The following CSMD3 variants were observed in gnomAD, a reference collection of about 807,000 sequenced individuals.
CSMD3 encodes CUB and sushi domain-containing protein 3.
In CSMD3, 177 loss-of-function variants were observed where a neutral mutation model predicts 435.2. That is an observed-to-expected ratio of 0.41 (90% CI 0.36 to 0.46). CSMD3 has a LOEUF of 0.46. Among genes scored for constraint, CSMD3 ranks in the 20% least tolerant of loss-of-function variants. The probability of loss-of-function intolerance (pLI) is 0.34; values close to 1 mark genes in which losing one functional copy is unlikely to be tolerated. For missense variants in CSMD3, 4,265 were observed against 4,504.6 expected, an observed-to-expected ratio of 0.95 and a Z score of 1.52; for synonymous variants, 1,656 against 1,520.5, an observed-to-expected ratio of 1.09 and a Z score of -2.07.
At chr8:112,873,810 T>C (rs966383042) in intron 10 of CSMD3, among the ~76,000 whole-genome samples, 1 of 150,310 alleles carries the variant, frequency 6.7e-6, no homozygotes, top group Non-Finnish European at 1.5e-5. Flanking sequence ...TCTTTTCTTC[T>C]TTATTATTCT....
intron 31 of CSMD3, among the ~76,000 whole-genome samples, chr8:112,473,574 G>T (rs933282685): frequency 2.6e-5 from 4 of 152,108 alleles, no homozygotes; most frequent in African/African-American, 9.7e-5. Flanking sequence ...GGGGTCAAGG[G>T]AGAAGAGTTT....
chr8:112,552,866 T>C lies in CSMD3; in HGVS notation c.4235-146A>G, dbSNP rs141588905. 66 of 684,502 alleles carry C rather than the reference T, an allele frequency of 9.6e-5. No homozygotes were observed. In the African/African-American group the frequency reaches 1.2e-3, roughly 12 times the overall value. 42.4% of individuals were successfully genotyped at this position (684,502 alleles called of 1,614,324 possible). On this transcript the variant is annotated intron_variant, in intron 25 of 70. Coordinates refer to ENST00000297405, the MANE Select transcript of CSMD3 (RefSeq NM_198123.2). Reference sequence around the variant, plus strand: ...TTGTATAAACTTTTAAAGTATCAATTGAAGCAAGAATATATAATACAATCA... The same window carrying C: ...TTGTATAAACTTTTAAAGTATCAATCGAAGCAAGAATATATAATACAATCA...
At chr8:112,686,070 C>T (rs761082606) in intron 14 of CSMD3, among the ~76,000 whole-genome samples, 3 of 152,160 alleles carry the variant, frequency 2.0e-5, no homozygotes, top group Non-Finnish European at 4.4e-5. Context: ...CCATAGAAAG[C>T]AATAAGGTTC....
chr8:112,455,591 G>GTAAATAAATAAA (rs71309770), intron 32 of CSMD3, among the ~76,000 whole-genome samples: 1 of 149,620 alleles, frequency 6.7e-6, no homozygotes, highest in Admixed American at 6.7e-5. Context: ...AAATAAGTAA[G>GTAAATAAATAAA]TAAATAAATA....
intron 6 of CSMD3, among the ~76,000 whole-genome samples, chr8:113,007,442 A>G (rs1268448482): frequency 6.6e-6 from 1 of 152,002 alleles, no homozygotes; most frequent in East Asian, 1.9e-4. Flanking sequence ...GCAAGACACT[A>G]GAAATATATG....
At chr8:112,564,103 T>C (rs1480299644) in intron 24 of CSMD3, among the ~76,000 whole-genome samples, 1 of 152,024 alleles carries the variant, frequency 6.6e-6, no homozygotes, top group Non-Finnish European at 1.5e-5. Flanking sequence ...TTCCCTCTAC[T>C]GTGAAATTGG....
intron 9 of CSMD3, among the ~76,000 whole-genome samples, chr8:112,927,442 C>T (rs564038485): frequency 4.6e-5 from 7 of 152,120 alleles, no homozygotes; most frequent in African/African-American, 1.7e-4. Context: ...CAATCCACCC[C>T]GCCTTGTCAT....
chr8:112,878,460 T>C (rs987187236), intron 10 of CSMD3, among the ~76,000 whole-genome samples: 11 of 152,132 alleles, frequency 7.2e-5, no homozygotes, highest in Admixed American at 2.6e-4. Context: ...ACTTTTACAC[T>C]GTTGGTGGGA....
intron 20 of CSMD3, among the ~76,000 whole-genome samples, chr8:112,639,882 C>G (rs570246047): frequency 6.6e-6 from 1 of 152,212 alleles, no homozygotes; most frequent in South Asian, 2.1e-4. Flanking sequence ...GTAAATGGTA[C>G]AGCCATGAAC....
At chr8:112,239,660 C>G (rs1012833871) in intron 66 of CSMD3, among the ~76,000 whole-genome samples, 4 of 152,060 alleles carry the variant, frequency 2.6e-5, no homozygotes, top group African/African-American at 9.6e-5. Flanking sequence ...ATGTAGTGTT[C>G]TAGTAATTTG....
At chr8:113,343,439 GA>G (rs1451862638) in intron 1 of CSMD3, among the ~76,000 whole-genome samples, 2 of 152,022 alleles carry the variant, frequency 1.3e-5, no homozygotes, top group African/African-American at 2.4e-5. Context: ...AGATCACAGA[GA>G]AAAAAATATG....
chr8:112,465,849 C>T (rs1234772021), intron 32 of CSMD3, among the ~76,000 whole-genome samples: 4 of 151,826 alleles, frequency 2.6e-5, no homozygotes, highest in Non-Finnish European at 5.9e-5. Context: ...GTGGTGGGCG[C>T]CTATAATCCC....
intron 5 of CSMD3, among the ~76,000 whole-genome samples, chr8:113,060,947 TATC>T (rs925107300): frequency 3.2e-4 from 48 of 152,314 alleles, no homozygotes; most frequent in African/African-American, 1.0e-3. Context: ...AGTCTTTACA[TATC>T]ATCTCTATTT....
chr8:113,319,241 A>T (rs2093932476), intron 1 of CSMD3, among the ~76,000 whole-genome samples: 1 of 152,070 alleles, frequency 6.6e-6, no homozygotes, highest in Non-Finnish European at 1.5e-5. Context: ...TCTTTTTGAT[A>T]ATAATCATAC....
chr8:112,352,985 T>G (rs535709629), intron 38 of CSMD3, among the ~76,000 whole-genome samples: 4 of 152,356 alleles, frequency 2.6e-5, no homozygotes, highest in Admixed American at 1.3e-4. Flanking sequence ...CTTCTTTTAT[T>G]CTGAATCGGC....
intron 7 of CSMD3, among the ~76,000 whole-genome samples, chr8:112,960,400 C>G (rs1429547426): frequency 6.6e-6 from 1 of 151,614 alleles, no homozygotes; most frequent in Non-Finnish European, 1.5e-5. Context: ...ATAATACAAT[C>G]TTCTGAGAAA....
intron 32 of CSMD3, among the ~76,000 whole-genome samples, chr8:112,419,651 T>C (rs1463649047): frequency 1.3e-5 from 2 of 152,206 alleles, no homozygotes; most frequent in Non-Finnish European, 2.9e-5. Flanking sequence ...TAGATTTCTG[T>C]CTGTATTGTG....
At chr8:112,766,409 T>G (rs1409389290) in intron 13 of CSMD3, among the ~76,000 whole-genome samples, 1 of 151,772 alleles carries the variant, frequency 6.6e-6, no homozygotes, top group Non-Finnish European at 1.5e-5. Flanking sequence ...CATAATTTGC[T>G]GTGTCTTTCT....
chr8:112,839,720 C>A (rs148010278), intron 11 of CSMD3, among the ~76,000 whole-genome samples: 1 of 151,414 alleles, frequency 6.6e-6, no homozygotes, highest in Non-Finnish European at 1.5e-5. Flanking sequence ...GGATACCTCT[C>A]TTTTCATTTA....
Sources: allele counts gnomAD v4.1 joint callset (sites outside exome capture counted in the v4.1 genomes callset), GRCh38; gene constraint gnomAD v4.1.1; transcripts MANE v1.5; gene names NCBI Gene and HGNC (gene_info 2026-07-23, HGNC 2026-07-21).